EXTL3: variants seen among roughly 807,000 people sequenced by gnomAD.
The protein encoded by EXTL3 is exostosin like glycosyltransferase 3, also known as exostosin-like 3.
A neutral mutation model predicts 69.3 loss-of-function variants in EXTL3; 27 were observed. That is an observed-to-expected ratio of 0.39 (90% CI 0.29 to 0.54). EXTL3 has a LOEUF of 0.54. Among genes scored for constraint, EXTL3 ranks in the 20% least tolerant of loss-of-function variants. The pLI, the probability that EXTL3 is intolerant of heterozygous loss-of-function variation, is 0.69. For missense variants in EXTL3, 1,003 were observed against 1,231.8 expected (o/e 0.81, Z 2.78); for synonymous variants, 511 against 499.4 (o/e 1.02, Z -0.31).
intron 1 of EXTL3, among the ~76,000 whole-genome samples, chr8:28,702,361 CGTGTGTGCGCGGCGG>C (rs1800826920): frequency 6.6e-6 from 1 of 152,190 alleles, no homozygotes; most frequent in Admixed American, 6.5e-5. Context: ...GTGCGCGGGG[CGTGTGTGCGCGGCGG>C]AGCTCCGAGC....
In EXTL3 at chr8:28,715,869, G is replaced by A. The variant is rs1384605747; in HGVS notation, c.-191G>A. The stretch of plus-strand genomic sequence containing the variant: ...AACAGCCAGAACTTAAAATCTGCTG[G>A]AATAGGGTCAGAGACCATTTCAGCT... On this transcript the variant is annotated 5_prime_UTR_variant, in exon 3 of 7. The change creates a premature stop within an existing upstream ORF in the 5' untranslated region. Transcript: ENST00000220562. 2 of 593,812 alleles carry A rather than the reference G, an allele frequency of 3.4e-6. No homozygotes were observed. The highest frequency in any genetic ancestry group is 6.0e-6 in the Non-Finnish European group (2 of 335,720). 36.8% of individuals were successfully genotyped at this position (593,812 alleles called of 1,614,324 possible). A position where few individuals can be genotyped will look rare whatever the true frequency, so the allele number is the denominator to read the frequency against.
At chr8:28,615,508 T>C (rs1157027998) in intron 2 of EXTL3, among the ~76,000 whole-genome samples, 1 of 152,252 alleles carries the variant, frequency 6.6e-6, no homozygotes, top group Non-Finnish European at 1.5e-5. Flanking sequence ...TGTTCTGCTG[T>C]ATCTCTGATA....
chr8:28,726,878 T>TA (rs1801424044), intron 3 of EXTL3, among the ~76,000 whole-genome samples: 1 of 130,658 alleles, frequency 7.7e-6, no homozygotes, highest in Non-Finnish European at 1.6e-5. Context: ...GCTTTTCTTT[T>TA]CTTTTTTTTT....
At chr8:28,720,463 G>A (rs537622459) in intron 3 of EXTL3, among the ~76,000 whole-genome samples, 105 of 152,320 alleles carry the variant, frequency 6.9e-4, no homozygotes, top group South Asian at 2.3e-3. Context: ...GCTGTGAAGT[G>A]TATTGAGCCC....
chr8:28,718,680 A>T (rs190581050), intron 3 of EXTL3, among the ~76,000 whole-genome samples: 1 of 152,338 alleles, frequency 6.6e-6, no homozygotes, highest in East Asian at 1.9e-4. Context: ...GCTGAGCTTT[A>T]GTATGTCTGA....
rs759295414 is a variant in EXTL3, at chr8:28,717,569, G to A, written c.1510G>A (p.Asp504Asn). The change falls in exon 3 of 7, where the codon GAC becomes AAC. Residue 504 changes from aspartate (D) to asparagine (N), a missense_variant. Asp to Asn is a conservative substitution (Grantham distance 23). Coordinates refer to ENST00000220562, the MANE Select transcript of EXTL3 (RefSeq NM_001440.4). This position sits in a 1 kb window ranked among gnomAD's most constrained non-coding sequence, Gnocchi z 8.3. ...CCTGCTCAGAAGCCTCTCCGATAGT[G>A]ACCTCCTGGCTATGAGGCGGCAAGG... ...HFLLRSLSDSDLLAMRRQGRF... is the reference protein window; with the variant it reads ...HFLLRSLSDSNLLAMRRQGRF... 6.2e-7 allele frequency: 1 copy of A among 1,614,120 alleles called. No homozygotes were observed. The highest frequency in any genetic ancestry group is 8.5e-7 in the Non-Finnish European group (1 of 1,180,054).
chr8:28,716,816 C>G lies in EXTL3; in HGVS notation c.757C>G (p.Pro253Ala), dbSNP rs566700102. The G allele has an allele frequency of 6.2e-7, 1 of 1,614,004 alleles. No homozygotes were observed. Among genetic ancestry groups the G allele is most frequent in the Admixed American group, 1.7e-5 (1 of 60,006 alleles). The change falls in exon 3 of 7, where the codon CCT becomes GCT. Residue 253 changes from proline (P) to alanine (A), a missense_variant. By Grantham distance (27) the Pro-to-Ala change is conservative. This residue lies in a region of EXTL3 where 742 missense variants were observed against 815.4 expected (regional missense o/e 0.91). Coordinates refer to ENST00000220562, the MANE Select transcript of EXTL3 (RefSeq NM_001440.4). This position sits in a 1 kb window ranked among gnomAD's most constrained non-coding sequence, Gnocchi z 7.1. ...GEMQEPVVLR[P>A]AELEKQLYSL... ...GATGCAGGAGCCGGTGGTGCTGCGG[C>G]CTGCTGAGCTGGAGAAGCAGTTGTA...
At chr8:28,745,893 A>T (rs577896383) in intron 6 of EXTL3, among the ~76,000 whole-genome samples, 1 of 152,198 alleles carries the variant, frequency 6.6e-6, no homozygotes, top group Non-Finnish European at 1.5e-5. Context: ...TTCTCTGTGA[A>T]TTTTCTTCAT....
intron 1 of EXTL3, among the ~76,000 whole-genome samples, chr8:28,664,272 AGGGACCCTCTCCCTGGC>A (rs1284442554): frequency 6.6e-6 from 1 of 152,228 alleles, no homozygotes; most frequent in Non-Finnish European, 1.5e-5. Flanking sequence ...ACATTCTGGT[AGGGACCCTCTCCCTGGC>A]TTGCAGGTGG....
chr8:28,659,053 A>G (rs1807061388), intron 1 of EXTL3, among the ~76,000 whole-genome samples: 1 of 152,240 alleles, frequency 6.6e-6, no homozygotes, highest in South Asian at 2.1e-4. Flanking sequence ...CGGCTGAAGG[A>G]TAAATTCCCA....
chr8:28,709,935 G>A (rs1291045431), intron 1 of EXTL3, among the ~76,000 whole-genome samples: 1 of 152,190 alleles, frequency 6.6e-6, no homozygotes, highest in East Asian at 1.9e-4. Context: ...CTCGAATGGA[G>A]TGATTACATT....
intron 1 of EXTL3, among the ~76,000 whole-genome samples, chr8:28,706,949 TTGAGA>T (rs1166294049): frequency 3.9e-5 from 6 of 152,204 alleles, no homozygotes; most frequent in South Asian, 2.1e-4. Context: ...GTGGCTGTAC[TTGAGA>T]TGAGATTACA....
At chr8:28,702,253 C>T (rs1800823045) in intron 1 of EXTL3, among the ~76,000 whole-genome samples, 1 of 152,226 alleles carries the variant, frequency 6.6e-6, no homozygotes, top group Non-Finnish European at 1.5e-5. Context: ...TCAGAGGAGC[C>T]GCTTCCTGTC....
chr8:28,740,821 TTAAAA>T (rs1182318603), intron 5 of EXTL3: 5 of 152,342 alleles, frequency 3.3e-5, no homozygotes, highest in Non-Finnish European at 7.3e-5. Flanking sequence ...AAACAAAACT[TTAAAA>T]TAATGTGATC....
chr8:28,644,297 T>C (rs1300062966), intron 1 of EXTL3, among the ~76,000 whole-genome samples: 1 of 152,092 alleles, frequency 6.6e-6, no homozygotes. Flanking sequence ...ACGTTTCAAG[T>C]TTTTCTTTTT....
chr8:28,729,380 A>G (rs1488976128), intron 3 of EXTL3, among the ~76,000 whole-genome samples: 4 of 150,002 alleles, frequency 2.7e-5, no homozygotes, highest in Non-Finnish European at 5.9e-5. Context: ...GCGGATCATG[A>G]GGTCAGGATT....
At chr8:28,737,922 C>T (rs538174980) in intron 5 of EXTL3, among the ~76,000 whole-genome samples, 1 of 150,978 alleles carries the variant, frequency 6.6e-6, no homozygotes, top group Admixed American at 6.6e-5. Flanking sequence ...GGCGTTGGCT[C>T]TCCGTTTGTA....
chr8:28,662,786 C>T (rs1420914703), intron 1 of EXTL3, among the ~76,000 whole-genome samples: 1 of 152,074 alleles, frequency 6.6e-6, no homozygotes, highest in African/African-American at 2.4e-5. Flanking sequence ...GTGGCACGTG[C>T]CTGTGGTCCC....
intron 1 of EXTL3, among the ~76,000 whole-genome samples, chr8:28,645,294 C>T (rs1806810632): frequency 6.6e-6 from 1 of 152,224 alleles, no homozygotes. Context: ...GGAAATCTAT[C>T]TTATGGAAAT....
Sources: gnomAD v4.1 joint callset for allele counts (sites outside exome capture counted in the v4.1 genomes callset) on GRCh38, gnomAD v4.1.1 for gene constraint, gnomAD v4.1.1 regional missense constraint, Gnocchi (gnomAD v3.1) non-coding constraint, MANE v1.5 for transcripts, NCBI Gene and HGNC (gene_info 2026-07-23, HGNC 2026-07-21) for gene names.